Variants in LPP observed in about 807,000 individuals in gnomAD.
LPP encodes the protein lipoma-preferred partner.
Under a neutral mutation model 60.4 loss-of-function variants are expected in LPP, and 38 were observed. The observed-to-expected ratio is 0.63, with a 90% CI of 0.49 to 0.83. The LOEUF (loss-of-function observed/expected upper bound fraction) is 0.83, where lower values mean the gene tolerates loss of function less well. LPP is among the 40% of genes least tolerant of loss of function. The pLI is 0.00. For missense variants in LPP, 902 were observed against 783.6 expected, an observed-to-expected ratio of 1.15 and a Z score of -1.80; for synonymous variants, 328 against 290.8, an observed-to-expected ratio of 1.13 and a Z score of -1.30.
intron 6 of LPP, among the ~76,000 whole-genome samples, chr3:188,592,307 G>A (rs751223424): frequency 1.9e-4 from 29 of 151,552 alleles, no homozygotes; most frequent in Non-Finnish European, 2.1e-4. Flanking sequence ...CATAAAGAGG[G>A]TTCACATTTA....
intron 2 of LPP, among the ~76,000 whole-genome samples, chr3:188,289,996 GT>G (rs11441027): frequency 2.7e-5 from 4 of 149,252 alleles, no homozygotes; most frequent in South Asian, 2.1e-4. Context: ...AACATGCAGG[GT>G]TTTTTTTTTG....
intron 4 of LPP, among the ~76,000 whole-genome samples, chr3:188,425,033 G>A (rs768565137): frequency 6.6e-6 from 1 of 152,156 alleles, no homozygotes; most frequent in Non-Finnish European, 1.5e-5. Context: ...GGTTTTCAAA[G>A]GGAAAGCTTT....
At chr3:188,729,799 A>C (rs2150015294) in intron 8 of LPP, among the ~76,000 whole-genome samples, 1 of 151,526 alleles carries the variant, frequency 6.6e-6, no homozygotes, top group Admixed American at 6.6e-5. Flanking sequence ...GCAACATAGT[A>C]AGACCCTGTC....
chr3:188,886,731 C>CAT lies in LPP; in HGVS notation c.*12253_*12254insTA. Reference sequence around the variant, plus strand: ...GTATTGTCTTCAAAACACACACACACACACATACACACACACACACACACA... The same window carrying CAT: ...GTATTGTCTTCAAAACACACACACACATACACATACACACACACACACACACA... On this transcript the variant is annotated 3_prime_UTR_variant, in exon 12 of 12. Coordinates refer to ENST00000617246, the MANE Select transcript of LPP (RefSeq NM_001375462.1). The CAT allele has an allele frequency of 5.6e-6, 1 of 179,216 alleles. No homozygotes were observed. Among genetic ancestry groups the CAT allele is most frequent in the Non-Finnish European group, 1.0e-5 (1 of 98,992 alleles). 11.1% of individuals were successfully genotyped at this position (179,216 alleles called of 1,614,324 possible). A position where few individuals can be genotyped will look rare whatever the true frequency, so the allele number is the denominator to read the frequency against.
chr3:188,374,806 C>T (rs1774452649), intron 3 of LPP, among the ~76,000 whole-genome samples: 1 of 152,088 alleles, frequency 6.6e-6, no homozygotes, highest in Non-Finnish European at 1.5e-5. Context: ...GGAATGCTTC[C>T]AGTTTTTGCC....
chr3:188,262,869 G>A (rs541787001), intron 2 of LPP, among the ~76,000 whole-genome samples: 1 of 152,050 alleles, frequency 6.6e-6, no homozygotes, highest in East Asian at 1.9e-4. Flanking sequence ...TCGAACCCAG[G>A]TCTCCTGAAT....
chr3:188,470,319 C>CACACACAA lies in LPP; in HGVS notation c.194-14273_194-14272insACACACAA. ...ACACACACACACACACACACACACA[C>CACACACAA]GCACACATAAACCACATACACACAC... On this transcript the variant is annotated intron_variant, in intron 4 of 11. Transcript: ENST00000617246. Among the ~76,000 whole-genome samples, 4 of 148,876 alleles carry CACACACAA rather than the reference C, an allele frequency of 2.7e-5. No individual in the cohort carries two copies. In the East Asian group the frequency reaches 6.0e-4, roughly 22 times the overall value.
At chr3:188,250,412 T>C (rs1322831648) in intron 2 of LPP, among the ~76,000 whole-genome samples, 1 of 152,234 alleles carries the variant, frequency 6.6e-6, no homozygotes, top group African/African-American at 2.4e-5. Context: ...CTCTCCGTCA[T>C]TGGGGATGTT....
chr3:188,322,497 C>G (rs1439954280), intron 2 of LPP, among the ~76,000 whole-genome samples: 1 of 152,176 alleles, frequency 6.6e-6, no homozygotes, highest in Non-Finnish European at 1.5e-5. Context: ...TTTGGTTGGT[C>G]AGAGGTAACT....
In LPP at chr3:188,636,428, C is replaced by G. The variant is rs113932528; in HGVS notation, c.1113+26584C>G. On this transcript the variant is annotated intron_variant, in intron 7 of 11. Transcript: ENST00000617246. ...CCTACCCCATGGAGTCTCGCTGATT[C>G]CTAGCACAGCAGTCTGAGATCAAAC... Among the ~76,000 whole-genome samples the G allele has an allele frequency of 3.5e-3, 533 of 152,294 alleles. 6 individuals are homozygous for G. Among genetic ancestry groups the G allele is most frequent in the Non-Finnish European group, 3.7e-3 (252 of 68,008 alleles).
At chr3:188,766,510 G>C (rs1734214908) in intron 9 of LPP, among the ~76,000 whole-genome samples, 1 of 151,972 alleles carries the variant, frequency 6.6e-6, no homozygotes, top group Non-Finnish European at 1.5e-5. Context: ...AATAGTTACA[G>C]TTATTTTTGC....
At position 188,878,438 on chromosome 3, in the gene LPP, A is replaced by G. The variant is rs1769502339; in HGVS notation, c.*3959A>G. 1 of 215,472 alleles carries G rather than the reference A, an allele frequency of 4.6e-6. No homozygotes were observed. Among genetic ancestry groups the G allele is most frequent in the East Asian group, 6.9e-5 (1 of 14,464 alleles). The allele number at this position is 215,472 out of a possible 1,614,324, so 13.3% of individuals were successfully genotyped here. A position where few individuals can be genotyped will look rare whatever the true frequency, so the allele number is the denominator to read the frequency against. On this transcript the variant is annotated 3_prime_UTR_variant, in exon 12 of 12. Transcript: ENST00000617246. ...GTATTTCACATTTGTAGTTCAAACA[A>G]GCGATTGTCCATCTGTTGCCTAGAG... is the stretch of plus-strand genomic sequence containing the variant.
At chr3:188,367,989 G>C (rs1771721103) in intron 3 of LPP, among the ~76,000 whole-genome samples, 1 of 152,212 alleles carries the variant, frequency 6.6e-6, no homozygotes, top group Non-Finnish European at 1.5e-5. Context: ...GAAATATAAA[G>C]TCATTTGGGC....
At chr3:188,734,796 A>G (rs1199515325) in intron 8 of LPP, among the ~76,000 whole-genome samples, 2 of 152,198 alleles carry the variant, frequency 1.3e-5, no homozygotes, top group African/African-American at 2.4e-5. Flanking sequence ...ACTTCAATGG[A>G]AAGGATGCAT....
rs58700818 is a variant in LPP at position 188,490,751 on chromosome 3, A to ATTTTTTTTTTT, written c.306+6058_306+6068dup. Among the ~76,000 whole-genome samples the ATTTTTTTTTTT allele has an allele frequency of 3.8e-3, 347 of 91,704 alleles. 14 individuals carry two copies. Among genetic ancestry groups the ATTTTTTTTTTT allele is most frequent in the African/African-American group, 0.011 (283 of 25,348 alleles). 60.2% of individuals were successfully genotyped at this position (91,704 alleles called of 152,430 possible). A position where few individuals can be genotyped will look rare whatever the true frequency, so the allele number is the denominator to read the frequency against. On this transcript the variant is annotated intron_variant, in intron 5 of 11. Transcript: ENST00000617246. ...AAGTTTTAGCAAAACTGGCACTGGA[A>ATTTTTTTTTTT]TTTTTTTTTTTTTTTTTTTTTGGGA...
intron 7 of LPP, among the ~76,000 whole-genome samples, chr3:188,695,509 G>A (rs948349089): frequency 2.0e-4 from 31 of 152,060 alleles, no homozygotes; most frequent in Non-Finnish European, 3.5e-4. Flanking sequence ...ATAATCGTGC[G>A]CCACTGTCAA....
intron 1 of LPP, among the ~76,000 whole-genome samples, chr3:188,223,743 G>A (rs1716672316): frequency 1.3e-5 from 2 of 152,160 alleles, no homozygotes. Flanking sequence ...TCTCTGCAAG[G>A]AGAAGCTTTG....
chr3:188,526,295 CTT>C (rs11338811), intron 6 of LPP, among the ~76,000 whole-genome samples: 2 of 150,896 alleles, frequency 1.3e-5, no homozygotes, highest in East Asian at 1.9e-4. Context: ...TCTTCTTCTT[CTT>C]TTTTTTTTCT....
intron 7 of LPP, among the ~76,000 whole-genome samples, chr3:188,704,580 A>G (rs1367861185): frequency 6.6e-6 from 1 of 152,046 alleles, no homozygotes; most frequent in Non-Finnish European, 1.5e-5. Context: ...CTGCTCTCCC[A>G]TTCACCCTCT....
Sources: gnomAD v4.1 joint callset for allele counts (sites outside exome capture counted in the v4.1 genomes callset) on GRCh38, gnomAD v4.1.1 for gene constraint, MANE v1.5 for transcripts, NCBI Gene and HGNC (gene_info 2026-07-23, HGNC 2026-07-21) for gene names.